Variants in DPP10 observed in about 807,000 individuals in gnomAD.
DPP10 encodes inactive dipeptidyl peptidase 10.
In DPP10, 33 loss-of-function variants were observed where a neutral mutation model predicts 120.9. The ratio of observed to expected loss-of-function variants is 0.27; its 90% CI spans 0.21 to 0.37. The LOEUF is 0.37. Ranked by LOEUF, DPP10 falls within the 10% of genes least tolerant of loss-of-function variation. The probability of loss-of-function intolerance (pLI) is 1.00; values close to 1 mark genes in which losing one functional copy is unlikely to be tolerated. For synonymous variants in DPP10, 337 were observed against 326.1 expected, an observed-to-expected ratio of 1.03 and a Z score of -0.36; for missense variants, 816 against 942.8, an observed-to-expected ratio of 0.87 and a Z score of 1.76.
chr2:114,875,364 A>G (rs774636765), intron 1 of DPP10, among the ~76,000 whole-genome samples: 1 of 152,142 alleles, frequency 6.6e-6, no homozygotes, highest in Non-Finnish European at 1.5e-5. Flanking sequence ...ATTACAACCT[A>G]GCATAGTGTG....
At chr2:115,114,929 T>C (rs17044096) in intron 1 of DPP10, among the ~76,000 whole-genome samples, 8,501 of 151,942 alleles carry the variant, frequency 0.056, 301 homozygotes, top group East Asian at 0.15. Context: ...AATAGTTTGA[T>C]AAGAATAAAG....
chr2:114,967,832 T>G (rs1699141178), intron 1 of DPP10, among the ~76,000 whole-genome samples: 1 of 151,982 alleles, frequency 6.6e-6, no homozygotes, highest in Non-Finnish European at 1.5e-5. Context: ...CAGGGCATTT[T>G]CCTTGCCTCT....
At chr2:115,540,142 T>C (rs1334987738) in intron 5 of DPP10, among the ~76,000 whole-genome samples, 1 of 151,826 alleles carries the variant, frequency 6.6e-6, no homozygotes, top group Non-Finnish European at 1.5e-5. Flanking sequence ...GGCCAGAAAA[T>C]GACCAAGGCT....
intron 1 of DPP10, among the ~76,000 whole-genome samples, chr2:114,602,636 T>C (rs1406301412): frequency 6.6e-6 from 1 of 152,020 alleles, no homozygotes; most frequent in African/African-American, 2.4e-5. Context: ...GTACTCAGGA[T>C]ATGCTTTGAA....
chr2:114,760,580 A>G (rs1384508069), intron 1 of DPP10, among the ~76,000 whole-genome samples: 1 of 151,740 alleles, frequency 6.6e-6, no homozygotes. Flanking sequence ...TCCCACTTGG[A>G]CAAGTACCTA....
At chr2:114,667,186 A>C (rs1274644374) in intron 1 of DPP10, among the ~76,000 whole-genome samples, 1 of 152,208 alleles carries the variant, frequency 6.6e-6, no homozygotes, top group Non-Finnish European at 1.5e-5. Context: ...ATTAATGTTC[A>C]TCGATTAAAC....
intron 1 of DPP10, among the ~76,000 whole-genome samples, chr2:114,749,836 A>C (rs1237162425): frequency 6.6e-6 from 1 of 152,146 alleles, no homozygotes; most frequent in Non-Finnish European, 1.5e-5. Flanking sequence ...GCACAACTGC[A>C]ATCATTCCAA....
At chr2:114,465,048 T>A (rs1422201770) in intron 1 of DPP10, among the ~76,000 whole-genome samples, 1 of 152,180 alleles carries the variant, frequency 6.6e-6, no homozygotes, top group East Asian at 1.9e-4. Context: ...TGCCCAGGAC[T>A]GGAGGGGAAC....
Position 114,552,553 on chromosome 2 carries a change from C to G in DPP10, c.60+109715C>G, listed in dbSNP as rs183196417. On this transcript the variant is annotated intron_variant, in intron 1 of 25. Coordinates refer to ENST00000410059, the MANE Select transcript of DPP10 (RefSeq NM_020868.6). ...TACATTCTTTTTTCTTTCTCTTTTT[C>G]TTTTTTTTTTAGACCAAGTCTTACT... Among the ~76,000 whole-genome samples the G allele has an allele frequency of 6.6e-3, 973 of 148,242 alleles. 11 individuals are homozygous for G. Among genetic ancestry groups the G allele is most frequent in the South Asian group, 0.014 (66 of 4,684 alleles).
rs1003857128 is a variant in DPP10, at chr2:115,146,875, C to T, written c.61-162364C>T. Among the ~76,000 whole-genome samples, 9 of 152,066 alleles carry T rather than the reference C, an allele frequency of 5.9e-5. No individual in the cohort carries two copies. The South Asian group carries it at 6.2e-4, about 11-fold the overall frequency. On this transcript the variant is annotated intron_variant, in intron 1 of 25. Coordinates refer to ENST00000410059, the MANE Select transcript of DPP10 (RefSeq NM_020868.6). Reference sequence around the variant, plus strand: ...ACCTATAAACTAGAAAGTGGACCCTCGCCAGACTCCAAATGTGCCAGAGAC... The same window carrying T: ...ACCTATAAACTAGAAAGTGGACCCTTGCCAGACTCCAAATGTGCCAGAGAC...
intron 1 of DPP10, among the ~76,000 whole-genome samples, chr2:114,546,924 C>T (rs537713361): frequency 5.3e-5 from 8 of 152,316 alleles, no homozygotes; most frequent in Admixed American, 2.0e-4. Context: ...GGATTTTATT[C>T]TTATTCTGAT....
At chr2:115,761,691 T>A (rs953240443) in intron 11 of DPP10, among the ~76,000 whole-genome samples, 1 of 151,946 alleles carries the variant, frequency 6.6e-6, no homozygotes, top group Non-Finnish European at 1.5e-5. Flanking sequence ...TGAAGATCTA[T>A]TGAAAAAAAA....
At chr2:114,594,498 A>G (rs1441249618) in intron 1 of DPP10, among the ~76,000 whole-genome samples, 1 of 147,872 alleles carries the variant, frequency 6.8e-6, no homozygotes, top group Non-Finnish European at 1.5e-5. Flanking sequence ...ATATACATAT[A>G]TATTATATAT....
intron 1 of DPP10, among the ~76,000 whole-genome samples, chr2:115,260,818 A>T (rs905947248): frequency 3.3e-5 from 5 of 152,178 alleles, no homozygotes; most frequent in African/African-American, 4.8e-5. Context: ...GTGGGGCAGT[A>T]TACTTTTAAA....
intron 5 of DPP10, among the ~76,000 whole-genome samples, chr2:115,676,690 G>A (rs553077523): frequency 4.7e-4 from 71 of 152,256 alleles, no homozygotes; most frequent in African/African-American, 1.6e-3. Context: ...ACTACGGGAC[G>A]TATAAGAGGA....
intron 1 of DPP10, among the ~76,000 whole-genome samples, chr2:114,800,111 G>T (rs1684068347): frequency 6.6e-6 from 1 of 152,188 alleles, no homozygotes; most frequent in Non-Finnish European, 1.5e-5. Context: ...GTAAGCGCAA[G>T]ATTCGAACCA....
At chr2:114,480,898 C>G (rs746385618) in intron 1 of DPP10, among the ~76,000 whole-genome samples, 9 of 150,468 alleles carry the variant, frequency 6.0e-5, no homozygotes, top group South Asian at 2.1e-4. Context: ...ACAAAAAAAA[C>G]AAAAAGTTTT....
At chr2:114,505,011 C>A (rs1683514127) in intron 1 of DPP10, among the ~76,000 whole-genome samples, 1 of 133,302 alleles carries the variant, frequency 7.5e-6, no homozygotes, top group Non-Finnish European at 1.5e-5. Flanking sequence ...AACATCGCGC[C>A]ACTGCACTCC....
At chr2:115,287,793 T>A (rs2060465326) in intron 1 of DPP10, among the ~76,000 whole-genome samples, 1 of 152,082 alleles carries the variant, frequency 6.6e-6, no homozygotes, top group Non-Finnish European at 1.5e-5. Flanking sequence ...AGGGACATAC[T>A]TGACCAAGGA....
Sources: gnomAD v4.1 joint callset for allele counts (sites outside exome capture counted in the v4.1 genomes callset) on GRCh38, gnomAD v4.1.1 for gene constraint, MANE v1.5 for transcripts, NCBI Gene and HGNC (gene_info 2026-07-23, HGNC 2026-07-21) for gene names.